Variants in IGSF9B observed in about 807,000 individuals in gnomAD.
IGSF9B encodes protein turtle homolog B.
A neutral mutation model predicts 143.7 loss-of-function variants in IGSF9B; 48 were observed. The ratio of observed to expected loss-of-function variants is 0.33; its 90% CI spans 0.26 to 0.42. IGSF9B has a LOEUF of 0.42. Among genes scored for constraint, IGSF9B ranks in the 20% least tolerant of loss-of-function variants. The pLI is 1.00. For synonymous variants in IGSF9B, 903 were observed against 833.1 expected (o/e 1.08, Z -1.44); for missense variants, 1,706 against 1,980.0 (o/e 0.86, Z 2.63).
intron 7 of IGSF9B, among the ~76,000 whole-genome samples, chr11:133,933,695 C>T (rs2121315274): frequency 6.6e-6 from 1 of 152,204 alleles, no homozygotes; most frequent in Admixed American, 6.5e-5. Flanking sequence ...CTGCAGTAAG[C>T]CATGATGGCA....
chr11:133,927,494 G>A (rs988944880), intron 12 of IGSF9B, among the ~76,000 whole-genome samples: 3 of 152,186 alleles, frequency 2.0e-5, no homozygotes, highest in African/African-American at 7.2e-5. Flanking sequence ...AAGGAGCCCA[G>A]GACCTGGCTG....
chr11:133,938,005 A>G (rs778726978), intron 3 of IGSF9B, 44 bp from the exon 4 acceptor site: 9 of 1,600,578 alleles, frequency 5.6e-6, no homozygotes, highest in Non-Finnish European at 7.7e-6. Context: ...CATCAGCCAC[A>G]TCGCTGCCCT....
chr11:133,948,560 C>T lies in IGSF9B; in HGVS notation c.65-2302G>A, dbSNP rs78064751. Among the ~76,000 whole-genome samples the T allele has an allele frequency of 1.0e-3, 152 of 151,286 alleles. No individual in the cohort carries two copies. The East Asian group carries it at 0.02, about 20-fold the overall frequency. ...CTCCCAGCAGCCAGGATCACAAAGG[C>T]GGATGCTGGACCAAGAGGAATGGGT... On this transcript the variant is annotated intron_variant, in intron 1 of 19. Coordinates refer to ENST00000533871, the MANE Select transcript of IGSF9B (RefSeq NM_001277285.4). This position sits in a 1 kb window ranked among gnomAD's most constrained non-coding sequence, Gnocchi z 4.7.
chr11:133,923,150 G>A (rs981288440), intron 15 of IGSF9B, among the ~76,000 whole-genome samples: 7 of 152,286 alleles, frequency 4.6e-5, no homozygotes, highest in Middle Eastern at 3.4e-3. Context: ...AGAGAGACCC[G>A]CTTACGTGGA....
At chr11:133,922,370 A>G in intron 16 of IGSF9B, 148 bp from the exon 17 acceptor site, 1 of 905,802 alleles carries the variant, frequency 1.1e-6, no homozygotes. Context: ...CCTTCATGCT[A>G]GCTTGGGCCC....
intron 11 of IGSF9B, 66 bp downstream of exon 11, chr11:133,930,918 C>A: frequency 6.7e-7 from 1 of 1,485,400 alleles, no homozygotes; most frequent in Admixed American, 2.1e-5. Context: ...TCCCAGCGTC[C>A]AGCACCCCGC....
intron 18 of IGSF9B, among the ~76,000 whole-genome samples, chr11:133,914,279 C>T (rs572123363): frequency 1.4e-4 from 21 of 152,124 alleles, no homozygotes; most frequent in Non-Finnish European, 3.1e-4. Flanking sequence ...ATCCAGTCAT[C>T]GTGGGAAAGA....
At chr11:133,924,765 G>T in intron 15 of IGSF9B, 55 bp downstream of exon 15, 1 of 1,405,580 alleles carries the variant, frequency 7.1e-7, no homozygotes, top group Non-Finnish European at 1.0e-6. Flanking sequence ...TGACCCCCAT[G>T]CAGCTCTGGG....
intron 7 of IGSF9B, among the ~76,000 whole-genome samples, chr11:133,933,316 A>G (rs994604472): frequency 6.6e-6 from 1 of 152,232 alleles, no homozygotes; most frequent in Non-Finnish European, 1.5e-5. Context: ...AGCAACAAGC[A>G]GTCCCCGCCT....
In IGSF9B at chr11:133,927,063, C is replaced by A. The variant is rs1479412072; in HGVS notation, c.1660G>T (p.Asp554Tyr). ...GGCGGCACTGGCAAGGACAGCCAGT[C>A]ATGGGGCCCAAACTGTGCCCGCTTC... ...WMKRAQFGPH[D>Y]WLSLPVPPGP... Residue 554 changes from aspartate to tyrosine, a missense_variant, in exon 13 of 20, where the codon GAC becomes TAC. By Grantham distance (160) the Asp-to-Tyr change is radical. Around this residue, in one of 7 missense-constraint regions of IGSF9B, gnomAD observed 267 missense variants for 321.1 expected, o/e 0.83. Transcript: ENST00000533871. 1 of 1,560,842 alleles carries A rather than the reference C, an allele frequency of 6.4e-7. No individual in the cohort carries two copies. Among genetic ancestry groups the A allele is most frequent in the Non-Finnish European group, 8.7e-7 (1 of 1,152,438 alleles).
chr11:133,920,944 T>G lies in IGSF9B; in HGVS notation c.2781A>C (p.Ala927=), dbSNP rs765609202. ...CGCGGGGCTGGAACCGAGGGCTGTATGCTGGTGGTGGCAGGTAGGACTCCT... is the reference window on the plus strand; with the variant it reads ...CGCGGGGCTGGAACCGAGGGCTGTAGGCTGGTGGTGGCAGGTAGGACTCCT... The part of the protein sequence containing the change: ...SSQESYLPPP[A]YSPRFQPRGL... The change falls in exon 18 of 20, where the codon GCA becomes GCC. Residue 927 remains alanine (A), a synonymous_variant. Transcript: ENST00000533871. The G allele has an allele frequency of 6.2e-7, 1 of 1,610,806 alleles. No homozygotes were observed.
At chr11:133,912,051 G>C (rs1213758729) in intron 18 of IGSF9B, 44 bp from the exon 19 acceptor site, 1 of 1,491,094 alleles carries the variant, frequency 6.7e-7, no homozygotes, top group African/African-American at 1.4e-5. Flanking sequence ...TCCCGGATGT[G>C]TGAGGCTTTG....
intron 3 of IGSF9B, among the ~76,000 whole-genome samples, chr11:133,940,841 T>G (rs1180145740): frequency 6.6e-6 from 1 of 152,232 alleles, no homozygotes; most frequent in Non-Finnish European, 1.5e-5. Flanking sequence ...AAGAATATAC[T>G]AAAAATAATG....
chr11:133,956,286 T>C (rs895080354), intron 1 of IGSF9B, among the ~76,000 whole-genome samples: 2 of 152,100 alleles, frequency 1.3e-5, no homozygotes, highest in African/African-American at 4.8e-5. Context: ...GGCTCTAGCG[T>C]GCTGCAGCCT....
In IGSF9B at chr11:133,909,007, C is replaced by A; in HGVS notation, c.*62G>T. 1 of 1,385,420 alleles carries A rather than the reference C, an allele frequency of 7.2e-7. No homozygotes were observed. Among genetic ancestry groups the A allele is most frequent in the South Asian group, 1.3e-5 (1 of 78,652 alleles). 85.8% of individuals were successfully genotyped at this position (1,385,420 alleles called of 1,614,324 possible). A position where few individuals can be genotyped will look rare whatever the true frequency, so the allele number is the denominator to read the frequency against. ...AGACGGAGGAGGACACACCCCCACA[C>A]AGTGGCCCTCCCTGCCTGAGCCCAG... On this transcript the variant is annotated 3_prime_UTR_variant, in exon 20 of 20. Transcript: ENST00000533871. This position sits in a 1 kb window ranked among gnomAD's most constrained non-coding sequence, Gnocchi z 4.2.
intron 3 of IGSF9B, among the ~76,000 whole-genome samples, chr11:133,938,318 T>C (rs895836046): frequency 1.3e-5 from 2 of 152,152 alleles, no homozygotes; most frequent in Non-Finnish European, 2.9e-5. Flanking sequence ...ACACAGGAGC[T>C]CCTACTTCTT....
rs1939478878 is a variant in IGSF9B at position 133,919,845 on chromosome 11, G to A, written c.3880C>T (p.Pro1294Ser). 9 of 1,582,914 alleles carry A rather than the reference G, an allele frequency of 5.7e-6. No individual in the cohort carries two copies. The highest frequency in any genetic ancestry group is 7.7e-6 in the Non-Finnish European group (9 of 1,164,268). ...CCAAACACGTCCAAGCTGTCCCCAG[G>A]CCCAGCAGGGGCGGGGCCGGGTGGA... ...SPPPGPAPAG[P>S]GDSLDVFGQT... The change falls in exon 18 of 20, where the codon CCT becomes TCT. Residue 1294 changes from proline (P) to serine (S), a missense_variant. By Grantham distance (74) the Pro-to-Ser change is moderately conservative. Transcript: ENST00000533871.
In IGSF9B at chr11:133,906,106, G is replaced by A. The variant is rs1349874433; in HGVS notation, c.*2963C>T. Among the ~76,000 whole-genome samples, 2 of 152,240 alleles carry A rather than the reference G, an allele frequency of 1.3e-5. No individual in the cohort carries two copies. The highest frequency in any genetic ancestry group is 1.5e-5 in the Non-Finnish European group (1 of 68,046). On this transcript the variant is annotated 3_prime_UTR_variant, in exon 20 of 20. Coordinates refer to ENST00000533871, the MANE Select transcript of IGSF9B (RefSeq NM_001277285.4). ...CCGTAAAAGGGGAAGTTTGGAAGGC[G>A]TGATCTCCTACAGAGTGAGTGCCGA...
Position 133,901,808 on chromosome 11 carries a change from A to G in IGSF9B, c.*7261T>C, listed in dbSNP as rs1011127538. Among the ~76,000 whole-genome samples, 4 of 149,224 alleles carry G rather than the reference A, an allele frequency of 2.7e-5. No homozygotes were observed. The highest frequency in any genetic ancestry group is 9.9e-5 in the African/African-American group (4 of 40,550). On this transcript the variant is annotated 3_prime_UTR_variant, in exon 20 of 20. Transcript: ENST00000533871. The stretch of plus-strand genomic sequence containing the variant: ...CTCTCTCACACACACCACACACAAC[A>G]GACACACCACACCACACACACAAAC...
Sources: gnomAD v4.1 joint callset for allele counts (sites outside exome capture counted in the v4.1 genomes callset) on GRCh38, gnomAD v4.1.1 for gene constraint, gnomAD v4.1.1 regional missense constraint, Gnocchi (gnomAD v3.1) non-coding constraint, MANE v1.5 for transcripts, NCBI Gene and HGNC (gene_info 2026-07-23, HGNC 2026-07-21) for gene names.